The following ZFAT variants were observed in gnomAD, a reference collection of about 807,000 sequenced individuals.
ZFAT encodes zinc finger protein ZFAT.
In ZFAT, 64 loss-of-function variants were observed where a neutral mutation model predicts 117.7. That is an observed-to-expected ratio of 0.54 (90% confidence interval 0.44 to 0.67). The LOEUF (loss-of-function observed/expected upper bound fraction) is 0.67. Among genes scored for constraint, ZFAT ranks in the 30% least tolerant of loss-of-function variants. The pLI, the probability that ZFAT is intolerant of heterozygous loss-of-function variation, is 0.00. For missense variants in ZFAT, 1,433 were observed against 1,584.5 expected, an observed-to-expected ratio of 0.90 and a Z score of 1.62; for synonymous variants, 679 against 615.0, an observed-to-expected ratio of 1.10 and a Z score of -1.54.
chr8:134,503,914 A>G (rs1216018184), intron 15 of ZFAT, among the ~76,000 whole-genome samples: 1 of 150,836 alleles, frequency 6.6e-6, no homozygotes, highest in Non-Finnish European at 1.5e-5. Context: ...TTTTGAACAC[A>G]AACACACACA....
At chr8:134,759,970 C>CAAAAAAAAAA in the ZFAT span, among the ~76,000 whole-genome samples, 1 of 53,182 alleles carries the variant, frequency 1.9e-5, no homozygotes, top group Non-Finnish European at 3.3e-5. Flanking sequence ...GACTCCGTCT[C>CAAAAAAAAAA]AAAAAAAAAA....
rs192260374 is a variant in ZFAT, at chr8:134,665,835, G to T, written c.20-8098C>A. Among the ~76,000 whole-genome samples the T allele has an allele frequency of 2.3e-3, 346 of 152,238 alleles. 9 individuals are homozygous for T. Among genetic ancestry groups the T allele is most frequent in the Admixed American group, 0.021 (319 of 15,290 alleles). ...TCCCCACTGGGGTCTCCAGAGCCCT[G>T]TGCCCCTCCATACCCCTCTGCCTCC... is the stretch of plus-strand genomic sequence containing the variant. On this transcript the variant is annotated intron_variant, in intron 1 of 15. Transcript: ENST00000377838.
chr8:134,790,529 T>C, the ZFAT span, among the ~76,000 whole-genome samples: 1 of 152,156 alleles, frequency 6.6e-6, no homozygotes, highest in Non-Finnish European at 1.5e-5. Context: ...CCCCCACGCC[T>C]CAAAAACTTC....
At chr8:134,545,434 C>T (rs745633501) in intron 11 of ZFAT, among the ~76,000 whole-genome samples, 1 of 151,898 alleles carries the variant, frequency 6.6e-6, no homozygotes, top group Non-Finnish European at 1.5e-5. Context: ...GTGAGAGGAT[C>T]CCTGGAGCCC....
At chr8:134,614,845 T>C (rs555206502) in intron 3 of ZFAT, among the ~76,000 whole-genome samples, 1 of 152,308 alleles carries the variant, frequency 6.6e-6, no homozygotes, top group South Asian at 2.1e-4. Context: ...TGGAAAAGAC[T>C]CTGAACCACA....
At chr8:134,634,295 G>A (rs1830073017) in intron 3 of ZFAT, among the ~76,000 whole-genome samples, 2 of 152,214 alleles carry the variant, frequency 1.3e-5, no homozygotes, top group African/African-American at 2.4e-5. Flanking sequence ...ACATATGGGT[G>A]TACAAAGAAT....
chr8:134,588,995 A>G (rs1826259608), intron 8 of ZFAT, among the ~76,000 whole-genome samples: 1 of 152,254 alleles, frequency 6.6e-6, no homozygotes, highest in Non-Finnish European at 1.5e-5. Context: ...ACTTTAAAAT[A>G]TCCTAGAAGA....
At chr8:134,768,094 CTGTTTTT>C in the ZFAT span, among the ~76,000 whole-genome samples, 8 of 152,156 alleles carry the variant, frequency 5.3e-5, no homozygotes, top group Non-Finnish European at 8.8e-5. Flanking sequence ...TTTGGAGATA[CTGTTTTT>C]TGTTTTTACA....
chr8:134,658,832 G>A (rs1708544157), intron 1 of ZFAT, among the ~76,000 whole-genome samples: 1 of 152,154 alleles, frequency 6.6e-6, no homozygotes, highest in African/African-American at 2.4e-5. Context: ...GTCCCTAAAT[G>A]CTGGAAAGCT....
chr8:134,553,650 C>A (rs1389052371), intron 11 of ZFAT, among the ~76,000 whole-genome samples: 1 of 152,166 alleles, frequency 6.6e-6, no homozygotes, highest in Non-Finnish European at 1.5e-5. Flanking sequence ...ATTGTAGAGT[C>A]AGGACAGTCC....
chr8:134,544,747 A>T (rs1009384717), intron 11 of ZFAT, among the ~76,000 whole-genome samples: 8 of 152,108 alleles, frequency 5.3e-5, no homozygotes, highest in South Asian at 2.1e-4. Flanking sequence ...CTCATTAACA[A>T]TCATGAAGAT....
At chr8:134,526,510 C>T (rs572719968) in intron 12 of ZFAT, among the ~76,000 whole-genome samples, 1 of 152,196 alleles carries the variant, frequency 6.6e-6, no homozygotes, top group South Asian at 2.1e-4. Context: ...CAATTTCCTC[C>T]CACGGACTGA....
At chr8:134,664,413 A>C (rs113690647) in intron 1 of ZFAT, among the ~76,000 whole-genome samples, 2 of 152,224 alleles carry the variant, frequency 1.3e-5, no homozygotes, top group African/African-American at 4.8e-5. Context: ...TCTTGGACAC[A>C]GGGCTGGCCC....
At chr8:134,808,544 C>G in the ZFAT span, among the ~76,000 whole-genome samples, 4 of 152,208 alleles carry the variant, frequency 2.6e-5, no homozygotes, top group African/African-American at 9.6e-5. Flanking sequence ...ACAATGAAGT[C>G]TGTAAGATCG....
At chr8:134,714,287 C>G (rs1377556518), upstream of ZFAT, among the ~76,000 whole-genome samples, 1 of 152,188 alleles carries the variant, frequency 6.6e-6, no homozygotes, top group African/African-American at 2.4e-5. Context: ...GAAGTTCACA[C>G]TTCATGTTCC....
chr8:134,585,680 C>T (rs1056113008), intron 9 of ZFAT, among the ~76,000 whole-genome samples: 2 of 152,164 alleles, frequency 1.3e-5, no homozygotes, highest in Non-Finnish European at 2.9e-5. Context: ...GACATACGGT[C>T]GTGGAAAATG....
intron 12 of ZFAT, among the ~76,000 whole-genome samples, chr8:134,521,737 T>C (rs1362721673): frequency 1.3e-5 from 2 of 152,168 alleles, no homozygotes; most frequent in African/African-American, 4.8e-5. Context: ...TTTGAACAGA[T>C]TGTGCCTTCA....
chr8:134,647,620 A>G (rs976746445), intron 2 of ZFAT, among the ~76,000 whole-genome samples: 4 of 152,218 alleles, frequency 2.6e-5, no homozygotes, highest in African/African-American at 9.6e-5. Context: ...TTAGATATAG[A>G]AAGCCCTAAA....
chr8:134,609,736 A>G (rs1828174250), intron 4 of ZFAT, among the ~76,000 whole-genome samples: 1 of 152,208 alleles, frequency 6.6e-6, no homozygotes, highest in Non-Finnish European at 1.5e-5. Flanking sequence ...TGCTTTTTAA[A>G]TTAAGGGTCC....
Sources: allele counts gnomAD v4.1 joint callset (sites outside exome capture counted in the v4.1 genomes callset), GRCh38; gene constraint gnomAD v4.1.1; transcripts MANE v1.5; gene names NCBI Gene and HGNC (gene_info 2026-07-23, HGNC 2026-07-21).